PRXL2C: variants seen among roughly 807,000 people sequenced by gnomAD.
The protein encoded by PRXL2C is peroxiredoxin like 2C.
PRXL2C carries 38 observed loss-of-function variants against 24.9 expected under a neutral mutation model. The observed-to-expected ratio is 1.53, with a 90% CI of 1.18 to 2.00. PRXL2C has a LOEUF of 2.00. Ranked by LOEUF, PRXL2C falls within the 30% of genes most tolerant of loss-of-function variation. PRXL2C has a pLI of 0.00. For missense variants in PRXL2C, 294 were observed against 290.9 expected, an observed-to-expected ratio of 1.01 and a Z score of -0.08; for synonymous variants, 98 against 117.2, an observed-to-expected ratio of 0.84 and a Z score of 1.06.
intron 5 of PRXL2C, 51 bp downstream of exon 5, chr9:96,645,842 C>A: frequency 8.0e-6 from 12 of 1,502,858 alleles, no homozygotes; most frequent in Non-Finnish European, 1.1e-5. Flanking sequence ...GGCCTCTGAA[C>A]TTGTAAAAAG....
At chr9:96,644,878 A>ATTTTTTT (rs1564408109) in intron 5 of PRXL2C, among the ~76,000 whole-genome samples, 16 of 58,104 alleles carry the variant, frequency 2.8e-4, no homozygotes, top group African/African-American at 8.8e-4. Context: ...AACTACATGG[A>ATTTTTTT]TTCTTTTTTT....
chr9:96,649,283 A>G (rs1449114182), intron 4 of PRXL2C, among the ~76,000 whole-genome samples: 1 of 150,740 alleles, frequency 6.6e-6, no homozygotes, highest in East Asian at 2.0e-4. Context: ...TCTATAAAGG[A>G]GCCGGGTGCG....
Position 96,641,685 on chromosome 9 carries a change from C to G in PRXL2C, c.*74G>C. On this transcript the variant is annotated 3_prime_UTR_variant, in exon 6 of 6. Transcript: ENST00000375234. ...AAGGGACAGCAGGTTAGACACTGCACGAGGATATTACACCCAGGCATTGAA... is the reference window on the plus strand; with the variant it reads ...AAGGGACAGCAGGTTAGACACTGCAGGAGGATATTACACCCAGGCATTGAA... 1 of 1,431,374 alleles carries G rather than the reference C, an allele frequency of 7.0e-7. No homozygotes were observed. 88.7% of individuals were successfully genotyped at this position (1,431,374 alleles called of 1,614,324 possible). A position where few individuals can be genotyped will look rare whatever the true frequency, so the allele number is the denominator to read the frequency against.
chr9:96,641,627 C>T lies in PRXL2C; in HGVS notation c.*132G>A. On this transcript the variant is annotated 3_prime_UTR_variant, in exon 6 of 6. Coordinates refer to ENST00000375234, the MANE Select transcript of PRXL2C (RefSeq NM_153698.2). ...CATGCAATTCAACAGGTTCAAGCCC[C>T]CTTTATGCTTCCCTAACTCCTCAAA... 7 of 877,148 alleles carry T rather than the reference C, an allele frequency of 8.0e-6. No individual in the cohort carries two copies. Among genetic ancestry groups the T allele is most frequent in the Non-Finnish European group, 1.1e-5 (7 of 630,706 alleles). 54.3% of individuals were successfully genotyped at this position (877,148 alleles called of 1,614,324 possible). A position where few individuals can be genotyped will look rare whatever the true frequency, so the allele number is the denominator to read the frequency against.
intron 4 of PRXL2C, among the ~76,000 whole-genome samples, chr9:96,647,964 C>T (rs1333212055): frequency 6.6e-6 from 1 of 152,158 alleles, no homozygotes; most frequent in African/African-American, 2.4e-5. Flanking sequence ...AGTGCAGTGG[C>T]ACGATCACTG....
rs185579878 is a variant in PRXL2C at position 96,644,960 on chromosome 9, T to G, written c.553+933A>C. Among the ~76,000 whole-genome samples the G allele has an allele frequency of 7.9e-4, 101 of 127,292 alleles. 2 individuals are homozygous for G. Among genetic ancestry groups the G allele is most frequent in the East Asian group, 5.6e-3 (20 of 3,560 alleles). The allele number at this position is 127,292 out of a possible 152,430, so 83.5% of individuals were successfully genotyped here. The stretch of plus-strand genomic sequence containing the variant: ...CTCACCCAGGCTGGAGGGCTGGAGT[T>G]CAGTGGTGCGATCTCGGCGCACTGC... On this transcript the variant is annotated intron_variant, in intron 5 of 5. Transcript: ENST00000375234.
Position 96,645,878 on chromosome 9 carries a change from G to A in PRXL2C, c.553+15C>T, listed in dbSNP as rs199796196. ...CACAAGACGTCTACTGCTGAACCTG[G>A]GCTTTGATGCTTACCTGGACCTAAA... is the stretch of plus-strand genomic sequence containing the variant. On this transcript the variant is annotated intron_variant, in intron 5 of 5. Coordinates refer to ENST00000375234, the MANE Select transcript of PRXL2C (RefSeq NM_153698.2). The A allele has an allele frequency of 5.3e-4, 839 of 1,593,800 alleles. 2 individuals carry two copies. In the African/African-American group the frequency reaches 9.8e-3, roughly 19 times the overall value.
chr9:96,642,531 A>T lies in PRXL2C; in HGVS notation c.554-645T>A, dbSNP rs148411698. ...TAACTTAAACCATTAGATTAAGTGT[A>T]TGAGGCACGTTTTCATTTTTTTTTT... On this transcript the variant is annotated intron_variant, in intron 5 of 5. Coordinates refer to ENST00000375234, the MANE Select transcript of PRXL2C (RefSeq NM_153698.2). Among the ~76,000 whole-genome samples, 413 of 150,904 alleles carry T rather than the reference A, an allele frequency of 2.7e-3. 3 individuals carry two copies. The highest frequency in any genetic ancestry group is 9.6e-3 in the African/African-American group (392 of 41,036).
chr9:96,645,099 CG>C (rs887627784), intron 5 of PRXL2C, among the ~76,000 whole-genome samples: 130 of 150,984 alleles, frequency 8.6e-4, no homozygotes, highest in Admixed American at 2.6e-3. Flanking sequence ...TTAGTAGAGA[CG>C]GGGTTTCACC....
In PRXL2C at chr9:96,641,571, A is replaced by G; in HGVS notation, c.*188T>C. The G allele has an allele frequency of 2.4e-6, 1 of 415,010 alleles. No homozygotes were observed. Among genetic ancestry groups the G allele is most frequent in the Non-Finnish European group, 4.2e-6 (1 of 240,298 alleles). The allele number at this position is 415,010 out of a possible 1,614,324, so 25.7% of individuals were successfully genotyped here. ...GTTAAAAGTTATAAAATGGAAGTAT[A>G]TAACATATTTTGACAACTGATGCTT... On this transcript the variant is annotated 3_prime_UTR_variant, in exon 6 of 6. Coordinates refer to ENST00000375234, the MANE Select transcript of PRXL2C (RefSeq NM_153698.2).
Position 96,651,660 on chromosome 9 carries a change from T to A in PRXL2C, c.314A>T (p.Glu105Val). ...TCTCCCAATGTACTAGATATTTACC[T>A]CAATATGATGGTAGGATGACTGTCC... ...VIGQSSYHHI[E>V]PFCKLTGYSH... is the part of the protein sequence containing the mutation. The change falls in exon 3 of 6, where the codon GAG (glutamate) becomes GTG (valine). Residue 105 changes from glutamate to valine, a missense_variant and splice_region_variant. Coordinates refer to ENST00000375234, the MANE Select transcript of PRXL2C (RefSeq NM_153698.2). 1 of 1,607,692 alleles carries A rather than the reference T, an allele frequency of 6.2e-7. No homozygotes were observed. Among genetic ancestry groups the A allele is most frequent in the Non-Finnish European group, 8.5e-7 (1 of 1,175,968 alleles).
chr9:96,654,563 C>T, intron 2 of PRXL2C, 142 bp downstream of exon 2: 2 of 703,750 alleles, frequency 2.8e-6, no homozygotes, highest in Non-Finnish European at 4.8e-6. Context: ...ACGTCTCACT[C>T]CTTTTGGAGG....
intron 4 of PRXL2C, among the ~76,000 whole-genome samples, chr9:96,646,565 T>C (rs1209565107): frequency 1.3e-5 from 2 of 152,210 alleles, no homozygotes; most frequent in Admixed American, 6.5e-5. Context: ...AAGTATATTT[T>C]CCAGTCTTAG....
Position 96,639,611 on chromosome 9 carries a change from A to G in PRXL2C, c.*2148T>C, listed in dbSNP as rs1463644263. The stretch of plus-strand genomic sequence containing the variant: ...GAAATTTCATTTTTATTGAATAAAA[A>G]CATTATACAAACATGAAGATATATT... On this transcript the variant is annotated 3_prime_UTR_variant, in exon 6 of 6. Transcript: ENST00000375234. 2.0e-5 allele frequency: 3 copies of G among 152,202 alleles called. No individual in the cohort carries two copies. Among genetic ancestry groups the G allele is most frequent in the African/African-American group, 4.8e-5 (2 of 41,458 alleles). 9.4% of individuals were successfully genotyped at this position (152,202 alleles called of 1,614,324 possible).
intron 5 of PRXL2C, among the ~76,000 whole-genome samples, chr9:96,645,139 G>C (rs1192493231): frequency 6.6e-6 from 1 of 150,984 alleles, no homozygotes; most frequent in Non-Finnish European, 1.5e-5. Flanking sequence ...TTGATCTCCT[G>C]ACCTCGTGAT....
intron 5 of PRXL2C, among the ~76,000 whole-genome samples, chr9:96,644,223 G>A (rs929547469): frequency 6.6e-6 from 1 of 151,934 alleles, no homozygotes; most frequent in Admixed American, 6.6e-5. Context: ...GTTTTAAAGA[G>A]GAAGAAAAAA....
chr9:96,643,479 C>T (rs936522200), intron 5 of PRXL2C, among the ~76,000 whole-genome samples: 4 of 152,174 alleles, frequency 2.6e-5, no homozygotes, highest in Admixed American at 2.0e-4. Flanking sequence ...ATCTCCCGAC[C>T]TTGTGATCTG....
chr9:96,647,522 G>A (rs1172779424), intron 4 of PRXL2C, among the ~76,000 whole-genome samples: 1 of 152,102 alleles, frequency 6.6e-6, no homozygotes, highest in Non-Finnish European at 1.5e-5. Context: ...AAAAGATTAA[G>A]TTTTACTTTG....
chr9:96,653,736 A>G (rs1289982731), intron 2 of PRXL2C, among the ~76,000 whole-genome samples: 1 of 152,244 alleles, frequency 6.6e-6, no homozygotes, highest in Non-Finnish European at 1.5e-5. Flanking sequence ...AGAGAATAAA[A>G]GGATACGCAG....
Sources: gnomAD v4.1 joint callset for allele counts (sites outside exome capture counted in the v4.1 genomes callset) on GRCh38, gnomAD v4.1.1 for gene constraint, MANE v1.5 for transcripts, NCBI Gene and HGNC (gene_info 2026-07-23, HGNC 2026-07-21) for gene names.